The following SEPTIN9 variants were observed in gnomAD, a reference collection of about 807,000 sequenced individuals.
SEPTIN9 encodes the protein septin-9.
A neutral mutation model predicts 56.6 loss-of-function variants in SEPTIN9; 13 were observed. The observed-to-expected ratio is 0.23, with a 90% CI of 0.15 to 0.37. The LOEUF (loss-of-function observed/expected upper bound fraction) is 0.37, where lower values mean the gene tolerates loss of function less well. Among genes scored for constraint, SEPTIN9 ranks in the 10% least tolerant of loss-of-function variants. The pLI, the probability that SEPTIN9 is intolerant of heterozygous loss-of-function variation, is 1.00. For synonymous variants in SEPTIN9, 332 were observed against 334.1 expected (o/e 0.99, Z 0.07); for missense variants, 650 against 823.1 (o/e 0.79, Z 2.57).
intron 3 of SEPTIN9, among the ~76,000 whole-genome samples, chr17:77,447,768 G>A (rs768989887): frequency 7.2e-5 from 11 of 152,216 alleles, no homozygotes; most frequent in Non-Finnish European, 1.6e-4. Context: ...GGGACTACAG[G>A]CACACACTAC....
chr17:77,461,198 C>T (rs956771322), intron 3 of SEPTIN9, among the ~76,000 whole-genome samples: 11 of 151,772 alleles, frequency 7.2e-5, no homozygotes, highest in Non-Finnish European at 1.5e-4. Flanking sequence ...CCCAGTTACT[C>T]GGGAGGCTGA....
At chr17:77,488,934 G>T (rs1598463871) in intron 7 of SEPTIN9, 70 bp downstream of exon 7, 2 of 1,581,300 alleles carry the variant, frequency 1.3e-6, no homozygotes, top group East Asian at 4.5e-5. Context: ...GGGACTGCAA[G>T]ACGGTGCTGT....
At chr17:77,339,707 A>G (rs1170178214) in intron 2 of SEPTIN9, among the ~76,000 whole-genome samples, 2 of 151,856 alleles carry the variant, frequency 1.3e-5, no homozygotes, top group East Asian at 3.9e-4. Context: ...ACAGGGTTTC[A>G]CCATGTTGGC....
intron 3 of SEPTIN9, among the ~76,000 whole-genome samples, chr17:77,441,797 C>T (rs2037557189): frequency 6.6e-6 from 1 of 152,210 alleles, no homozygotes; most frequent in Non-Finnish European, 1.5e-5. Context: ...TTCTTTCCTC[C>T]TACCAGACCT....
rs1382104884 is a variant in SEPTIN9 at position 77,475,039 on chromosome 17, C to G, written c.722-7105C>G. On this transcript the variant is annotated intron_variant, in intron 3 of 11. Coordinates refer to ENST00000427177, the MANE Select transcript of SEPTIN9 (RefSeq NM_001113491.2). The surrounding 1 kb of genome is among the most constrained non-coding windows in gnomAD (Gnocchi z 4.6). ...TTAGAGTAACGCCTGGCACAGAGAG[C>G]CCCCAGTAAACCTCGGCTGCTGTGA... is the stretch of plus-strand genomic sequence containing the variant. 2.0e-5 allele frequency among the ~76,000 whole-genome samples: 3 copies of G among 152,136 alleles called. No homozygotes were observed. The highest frequency in any genetic ancestry group is 4.4e-5 in the Non-Finnish European group (3 of 68,026).
chr17:77,348,299 T>TG lies in SEPTIN9; in HGVS notation c.76+41102_76+41103insG, dbSNP rs58010579. Among the ~76,000 whole-genome samples the TG allele has an allele frequency of 4.5e-3, 641 of 142,514 alleles. 40 individuals carry two copies. In the East Asian group the frequency reaches 0.11, roughly 25 times the overall value. 93.5% of individuals were successfully genotyped at this position (142,514 alleles called of 152,430 possible). ...AGAATTCTATTTTAATTTATGTTTT[T>TG]TTTTTTTTTTTTTTTTTAAGACAGA... On this transcript the variant is annotated intron_variant, in intron 2 of 11. Coordinates refer to ENST00000427177, the MANE Select transcript of SEPTIN9 (RefSeq NM_001113491.2).
intron 2 of SEPTIN9, among the ~76,000 whole-genome samples, chr17:77,359,555 G>C (rs1342693193): frequency 6.6e-6 from 1 of 152,206 alleles, no homozygotes; most frequent in African/African-American, 2.4e-5. Context: ...CACTTTGTGA[G>C]GCTGAGGGTG....
intron 6 of SEPTIN9, among the ~76,000 whole-genome samples, 169 bp downstream of exon 6, chr17:77,488,490 A>G (rs1321487117): frequency 6.6e-6 from 1 of 152,196 alleles, no homozygotes; most frequent in East Asian, 1.9e-4. Flanking sequence ...ATTCTGGACC[A>G]AAGCAGAATT....
chr17:77,373,145 TC>T, intron 2 of SEPTIN9: 2 of 999,938 alleles, frequency 2.0e-6, no homozygotes, highest in Non-Finnish European at 2.4e-6. Flanking sequence ...GGCGCTCCGG[TC>T]GTGTGCCCAG....
chr17:77,471,288 C>A (rs986265391), intron 3 of SEPTIN9, among the ~76,000 whole-genome samples: 3 of 152,196 alleles, frequency 2.0e-5, no homozygotes, highest in African/African-American at 7.2e-5. Context: ...TACCCCCAAG[C>A]AGGCCGTGCC....
chr17:77,462,574 G>C (rs2038526714), intron 3 of SEPTIN9, among the ~76,000 whole-genome samples: 1 of 152,236 alleles, frequency 6.6e-6, no homozygotes, highest in Non-Finnish European at 1.5e-5. Context: ...GTGAGCCACT[G>C]TGCCCGGCCT....
chr17:77,339,565 G>A (rs918677689), intron 2 of SEPTIN9, among the ~76,000 whole-genome samples: 13 of 151,740 alleles, frequency 8.6e-5, no homozygotes, highest in Admixed American at 2.6e-4. Context: ...AATGGAATGC[G>A]GTGGCATGAT....
chr17:77,349,017 T>G (rs2033974855), intron 2 of SEPTIN9, among the ~76,000 whole-genome samples: 1 of 152,234 alleles, frequency 6.6e-6, no homozygotes, highest in Non-Finnish European at 1.5e-5. Context: ...GTTTTTGTAG[T>G]GCAGGTTTGC....
intron 2 of SEPTIN9, among the ~76,000 whole-genome samples, chr17:77,386,521 C>T (rs568524930): frequency 6.6e-6 from 1 of 152,230 alleles, no homozygotes; most frequent in South Asian, 2.1e-4. Flanking sequence ...GGTGGGGGTA[C>T]CTTGCTCAGC....
intron 2 of SEPTIN9, among the ~76,000 whole-genome samples, chr17:77,392,361 C>T: frequency 6.6e-6 from 1 of 152,286 alleles, no homozygotes; most frequent in Non-Finnish European, 1.5e-5. Flanking sequence ...TGGGTGCTGA[C>T]CCCCCTGGTG....
At position 77,492,568 on chromosome 17, in the gene SEPTIN9, G is replaced by A; in HGVS notation, c.1381-53G>A. On this transcript the variant is annotated intron_variant, in intron 8 of 11. Transcript: ENST00000427177. The surrounding 1 kb of genome is among the most constrained non-coding windows in gnomAD (Gnocchi z 5.4). ...GAGGTCATGTGGCAAACACCAGTGGGTGGGTAGAGCTTGCCACAGGGATGG... is the reference window on the plus strand; with the variant it reads ...GAGGTCATGTGGCAAACACCAGTGGATGGGTAGAGCTTGCCACAGGGATGG... The A allele has an allele frequency of 6.6e-7, 1 of 1,518,646 alleles. No individual in the cohort carries two copies. Among genetic ancestry groups the A allele is most frequent in the Non-Finnish European group, 9.1e-7 (1 of 1,093,026 alleles). 94.1% of individuals were successfully genotyped at this position (1,518,646 alleles called of 1,614,324 possible). A position where few individuals can be genotyped will look rare whatever the true frequency, so the allele number is the denominator to read the frequency against.
rs1177260391 is a variant in SEPTIN9 at position 77,310,018 on chromosome 17, G to A, written c.76+2821G>A. ...TTTTGAGATAGAGTCTCGCTCTATC[G>A]CCCAGGCTGGAGTGCAGTGGCACCA... On this transcript the variant is annotated intron_variant, in intron 2 of 11. Transcript: ENST00000427177. This position sits in a 1 kb window ranked among gnomAD's most constrained non-coding sequence, Gnocchi z 4.7. 3.3e-4 allele frequency among the ~76,000 whole-genome samples: 50 copies of A among 151,132 alleles called. No homozygotes were observed. The highest frequency in any genetic ancestry group is 8.8e-4 in the African/African-American group (36 of 41,096).
chr17:77,459,266 C>T (rs2038352347), intron 3 of SEPTIN9, among the ~76,000 whole-genome samples: 1 of 152,226 alleles, frequency 6.6e-6, no homozygotes, highest in African/African-American at 2.4e-5. Flanking sequence ...AGCCGTTGAC[C>T]TGAACTGCCT....
At chr17:77,351,573 C>T (rs751031868) in intron 2 of SEPTIN9, among the ~76,000 whole-genome samples, 154 of 152,290 alleles carry the variant, frequency 1.0e-3, no homozygotes, top group Non-Finnish European at 1.5e-3. Flanking sequence ...GTGTGAGCTG[C>T]GGTCAGCAGG....
Sources: allele counts gnomAD v4.1 joint callset (sites outside exome capture counted in the v4.1 genomes callset), GRCh38; gene constraint gnomAD v4.1.1; non-coding constraint Gnocchi (gnomAD v3.1); transcripts MANE v1.5; gene names NCBI Gene and HGNC (gene_info 2026-07-23, HGNC 2026-07-21).